Variants in CRADD observed in about 807,000 individuals in gnomAD.
CRADD encodes the protein death domain-containing protein CRADD.
A neutral mutation model predicts 15.5 loss-of-function variants in CRADD; 9 were observed. The observed-to-expected ratio is 0.58, with a 90% CI of 0.35 to 1.01. CRADD has a LOEUF of 1.01. Among genes scored for constraint, CRADD ranks in the 50% least tolerant of loss-of-function variants. The pLI is 0.02. For missense variants in CRADD, 227 were observed against 250.3 expected (o/e 0.91, Z 0.63); for synonymous variants, 118 against 107.6 (o/e 1.10, Z -0.60).
intron 2 of CRADD, among the ~76,000 whole-genome samples, chr12:93,742,678 G>A (rs1467488811): frequency 6.6e-6 from 1 of 152,150 alleles, no homozygotes; most frequent in Non-Finnish European, 1.5e-5. Flanking sequence ...AAACAAACAC[G>A]TTCTTTTGCT....
chr12:93,868,177 T>C (rs1958386617), intron 2 of CRADD, among the ~76,000 whole-genome samples: 1 of 152,170 alleles, frequency 6.6e-6, no homozygotes, highest in African/African-American at 2.4e-5. Flanking sequence ...TAGGAAAGAC[T>C]GAAAAGTAAT....
intron 2 of CRADD, among the ~76,000 whole-genome samples, chr12:93,858,259 G>A (rs545039627): frequency 6.6e-6 from 1 of 152,298 alleles, no homozygotes; most frequent in Admixed American, 6.5e-5. Context: ...GTTGCCATAG[G>A]AGGACATTCA....
intron 2 of CRADD, among the ~76,000 whole-genome samples, chr12:93,751,044 C>T (rs1411394066): frequency 6.6e-6 from 1 of 152,164 alleles, no homozygotes; most frequent in Non-Finnish European, 1.5e-5. Flanking sequence ...GTCTACTATA[C>T]TCTTTCTTGT....
chr12:93,730,232 C>T (rs1052929837), intron 2 of CRADD, among the ~76,000 whole-genome samples: 2 of 152,252 alleles, frequency 1.3e-5, no homozygotes, highest in African/African-American at 2.4e-5. Flanking sequence ...AAAACTGTTG[C>T]AGCCCAGGGC....
downstream of CRADD, among the ~76,000 whole-genome samples, chr12:93,855,365 ACT>A (rs967305354): frequency 5.3e-5 from 8 of 152,060 alleles, no homozygotes; most frequent in African/African-American, 1.9e-4. Flanking sequence ...TATTCAGCAA[ACT>A]CTCAAGCAGA....
rs534403097 is a variant in CRADD at position 93,860,554 on chromosome 12, G to A, written c.299-33496G>A. 2.0e-5 allele frequency among the ~76,000 whole-genome samples: 3 copies of A among 152,284 alleles called. No individual in the cohort carries two copies. In the South Asian group the frequency reaches 6.2e-4, roughly 32 times the overall value. On this transcript the variant is annotated intron_variant, in intron 2 of 2. Transcript: ENST00000548483. The stretch of plus-strand genomic sequence containing the variant: ...AAGAGCCAGGCAAAGGAGTAGTACT[G>A]TTGCCAAAAGGTCAGCCAGAGAAGA...
intron 2 of CRADD, among the ~76,000 whole-genome samples, chr12:93,688,331 C>T (rs555599884): frequency 3.3e-5 from 5 of 152,180 alleles, no homozygotes; most frequent in South Asian, 2.1e-4. Context: ...GGCAAAACCC[C>T]GTTTCTACTA....
intron 2 of CRADD, among the ~76,000 whole-genome samples, chr12:93,770,858 CAG>C (rs1957079363): frequency 6.6e-6 from 1 of 152,160 alleles, no homozygotes; most frequent in Admixed American, 6.5e-5. Context: ...CTCAGATTTG[CAG>C]AGATTTTTAA....
At chr12:93,894,016 C>T in intron 2 of CRADD, 1 of 702,436 alleles carries the variant, frequency 1.4e-6, no homozygotes, top group Middle Eastern at 2.3e-4. Context: ...CGCCATACTC[C>T]CTTGATTTGA....
At chr12:93,739,162 T>A (rs1956631396) in intron 2 of CRADD, among the ~76,000 whole-genome samples, 1 of 152,130 alleles carries the variant, frequency 6.6e-6, no homozygotes, top group Non-Finnish European at 1.5e-5. Flanking sequence ...GGAAGTGTAG[T>A]GCCATGGGAT....
At chr12:93,814,586 C>A (rs904900427) in intron 2 of CRADD, among the ~76,000 whole-genome samples, 1 of 152,210 alleles carries the variant, frequency 6.6e-6, no homozygotes, top group Non-Finnish European at 1.5e-5. Context: ...GCAACTAGCA[C>A]AACTGCTGCT....
chr12:93,790,255 G>T (rs936615637), intron 2 of CRADD, among the ~76,000 whole-genome samples: 3 of 152,014 alleles, frequency 2.0e-5, no homozygotes, highest in Non-Finnish European at 4.4e-5. Context: ...AATGGATGCT[G>T]CTGCTTTCTT....
intron 2 of CRADD, among the ~76,000 whole-genome samples, chr12:93,867,086 C>T (rs1958374124): frequency 6.6e-6 from 1 of 152,070 alleles, no homozygotes; most frequent in Admixed American, 6.6e-5. Context: ...AGACTTTTGT[C>T]TTCCCCTTTA....
chr12:93,807,891 C>T (rs1468843963), intron 2 of CRADD, among the ~76,000 whole-genome samples: 1 of 139,722 alleles, frequency 7.2e-6, no homozygotes, highest in Non-Finnish European at 1.5e-5. Context: ...GGGGATCTTA[C>T]ATTCTAACTG....
At chr12:93,830,210 C>T (rs893484432) in intron 2 of CRADD, among the ~76,000 whole-genome samples, 2 of 152,170 alleles carry the variant, frequency 1.3e-5, no homozygotes, top group Non-Finnish European at 2.9e-5. Flanking sequence ...ATTTCAGGCC[C>T]TCCAAGAAGA....
At chr12:93,781,865 G>A (rs994876834) in intron 2 of CRADD, among the ~76,000 whole-genome samples, 7 of 152,124 alleles carry the variant, frequency 4.6e-5, no homozygotes, top group Admixed American at 6.6e-5. Context: ...TAAATGCTAC[G>A]AGAAAAAAGT....
chr12:93,809,473 T>C (rs1045672476), intron 2 of CRADD, among the ~76,000 whole-genome samples: 2 of 152,270 alleles, frequency 1.3e-5, no homozygotes, highest in Admixed American at 6.5e-5. Flanking sequence ...TTTAAACCCA[T>C]TGGTCTCCAT....
intron 2 of CRADD, among the ~76,000 whole-genome samples, chr12:93,753,538 G>A (rs1006550013): frequency 2.0e-5 from 3 of 152,182 alleles, no homozygotes; most frequent in Admixed American, 1.3e-4. Context: ...TCAAAAGTAA[G>A]TTAGTTACTT....
intron 2 of CRADD, among the ~76,000 whole-genome samples, chr12:93,734,625 T>G (rs1956531098): frequency 6.6e-6 from 1 of 152,228 alleles, no homozygotes; most frequent in Non-Finnish European, 1.5e-5. Context: ...AGAATGAGAT[T>G]TGAAATCCAG....
Sources: gnomAD v4.1 joint callset for allele counts (sites outside exome capture counted in the v4.1 genomes callset) on GRCh38, gnomAD v4.1.1 for gene constraint, MANE v1.5 for transcripts, NCBI Gene and HGNC (gene_info 2026-07-23, HGNC 2026-07-21) for gene names.